Variants in KCNN3 observed in about 807,000 individuals in gnomAD.
KCNN3 encodes small conductance calcium-activated potassium channel protein 3.
Under a neutral mutation model 62.9 loss-of-function variants are expected in KCNN3, and 16 were observed. The ratio of observed to expected loss-of-function variants is 0.25; its 90% CI spans 0.17 to 0.39. The LOEUF (loss-of-function observed/expected upper bound fraction) is 0.39, where lower values mean the gene tolerates loss of function less well. Ranked by LOEUF, KCNN3 falls within the 10% of genes least tolerant of loss-of-function variation. The pLI is 1.00. For synonymous variants in KCNN3, 370 were observed against 389.2 expected (o/e 0.95, Z 0.58); for missense variants, 599 against 949.4 (o/e 0.63, Z 4.85).
chr1:154,786,087 T>A (rs1649270178), intron 2 of KCNN3, among the ~76,000 whole-genome samples: 1 of 152,206 alleles, frequency 6.6e-6, no homozygotes, highest in Non-Finnish European at 1.5e-5. Context: ...CTGAGCCGCA[T>A]TCCTGTCCAC....
intron 4 of KCNN3, among the ~76,000 whole-genome samples, chr1:154,732,478 C>A (rs1700617881): frequency 1.3e-5 from 2 of 152,236 alleles, no homozygotes. Flanking sequence ...CTGGGAAAGG[C>A]AAGAGCCAGC....
rs1369655860 is a variant in KCNN3 at position 154,707,285 on chromosome 1, T to C, written c.*691A>G. On this transcript the variant is annotated 3_prime_UTR_variant, in exon 8 of 8. Coordinates refer to ENST00000271915, the MANE Select transcript of KCNN3 (RefSeq NM_002249.6). ...CAGGGTAAGGTGTCAAGTCCCTTTT[T>C]ATTTGGATTAAGCTCAAATAAGAAA... is the stretch of plus-strand genomic sequence containing the variant. 2 of 152,210 alleles carry C rather than the reference T, an allele frequency of 1.3e-5. No homozygotes were observed. The highest frequency in any genetic ancestry group is 2.4e-5 in the African/African-American group (1 of 41,444). 9.4% of individuals were successfully genotyped at this position (152,210 alleles called of 1,614,324 possible). A position where few individuals can be genotyped will look rare whatever the true frequency, so the allele number is the denominator to read the frequency against.
rs145457246 is a variant in KCNN3, at chr1:154,838,308, T to G, written c.934-16124A>C. Among the ~76,000 whole-genome samples, 57 of 152,274 alleles carry G rather than the reference T, an allele frequency of 3.7e-4. No homozygotes were observed. The East Asian group carries it at 0.01, about 28-fold the overall frequency. ...AGAGCTAGAGCCTAGCTCCTTCCCC[T>G]ACTCCCGGGCTCCTTCTGCTATACC... is the stretch of plus-strand genomic sequence containing the variant. On this transcript the variant is annotated intron_variant, in intron 1 of 7. Transcript: ENST00000271915.
intron 3 of KCNN3, among the ~76,000 whole-genome samples, chr1:154,761,169 C>T (rs569622350): frequency 5.9e-5 from 9 of 152,104 alleles, no homozygotes; most frequent in Admixed American, 2.6e-4. Flanking sequence ...TCACATGTAA[C>T]GTCATAAGAA....
At chr1:154,739,792 C>T (rs555812178) in intron 3 of KCNN3, among the ~76,000 whole-genome samples, 14 of 152,360 alleles carry the variant, frequency 9.2e-5, no homozygotes, top group South Asian at 4.1e-4. Context: ...CAGGCCATGT[C>T]GGGAGGCAAG....
At chr1:154,761,934 C>T (rs1327943941) in intron 3 of KCNN3, among the ~76,000 whole-genome samples, 5 of 151,776 alleles carry the variant, frequency 3.3e-5, no homozygotes, top group African/African-American at 1.2e-4. Context: ...AATGAGACTC[C>T]GCATCAAAAA....
At chr1:154,708,499 T>C (rs1436427060) in intron 7 of KCNN3, among the ~76,000 whole-genome samples, 1 of 152,152 alleles carries the variant, frequency 6.6e-6, no homozygotes, top group African/African-American at 2.4e-5. Flanking sequence ...CAGCATTTTA[T>C]TAGAAAATAT....
chr1:154,771,538 A>G (rs980350736), intron 3 of KCNN3, among the ~76,000 whole-genome samples: 1 of 152,214 alleles, frequency 6.6e-6, no homozygotes, highest in African/African-American at 2.4e-5. Context: ...AGTGCTTTAT[A>G]ATAAAAAGGA....
chr1:154,816,813 T>A (rs1052066144), intron 2 of KCNN3, among the ~76,000 whole-genome samples: 87 of 152,328 alleles, frequency 5.7e-4, no homozygotes, highest in African/African-American at 2.0e-3. Context: ...ATCATCTCTG[T>A]CCCCAGCTTG....
intron 5 of KCNN3, 119 bp from the exon 6 acceptor site, chr1:154,715,122 C>G: frequency 8.0e-7 from 1 of 1,256,614 alleles, no homozygotes; most frequent in South Asian, 1.2e-5. Context: ...ATTTTCTTAA[C>G]CAAAATCACG....
chr1:154,842,908 G>T (rs2101913840), intron 1 of KCNN3, among the ~76,000 whole-genome samples: 1 of 152,258 alleles, frequency 6.6e-6, no homozygotes, highest in East Asian at 1.9e-4. Flanking sequence ...CTCGCCATGT[G>T]ACCAAGCCTC....
rs753646576 is a variant in KCNN3 at position 154,859,694 on chromosome 1, C to G, written c.933+9338G>C. 2.0e-5 allele frequency: 32 copies of G among 1,614,074 alleles called. No individual in the cohort carries two copies. In the Middle Eastern group the frequency reaches 4.9e-4, roughly 25 times the overall value. ...CTGGGTAACCTGGGCAGGGCACCCA[C>G]CTTTATAGGTCTCTCCATCTATAAC... On this transcript the variant is annotated intron_variant, in intron 1 of 7. Transcript: ENST00000271915.
At chr1:154,729,099 G>C (rs1193671852) in intron 4 of KCNN3, among the ~76,000 whole-genome samples, 1 of 152,202 alleles carries the variant, frequency 6.6e-6, no homozygotes, top group South Asian at 2.1e-4. Flanking sequence ...AAATCACCGA[G>C]GGCCTGGCTA....
At chr1:154,802,660 G>A (rs771592509) in intron 2 of KCNN3, among the ~76,000 whole-genome samples, 1 of 151,984 alleles carries the variant, frequency 6.6e-6, no homozygotes, top group Non-Finnish European at 1.5e-5. Context: ...AGAATATGAG[G>A]CAAAATACAA....
chr1:154,765,703 G>A (rs1167803609), intron 3 of KCNN3, among the ~76,000 whole-genome samples: 5 of 146,920 alleles, frequency 3.4e-5, no homozygotes, highest in Non-Finnish European at 6.0e-5. Flanking sequence ...ATCTCTGCTC[G>A]CTGCACTCTT....
chr1:154,702,702 TATATA>T lies in KCNN3; in HGVS notation c.*5269_*5273del, dbSNP rs1168681406. 0.018 allele frequency: 37 copies of T among 2,082 alleles called. 1 individual carries two copies. Among genetic ancestry groups the T allele is most frequent in the African/African-American group, 0.042 (36 of 854 alleles). 0.1% of individuals were successfully genotyped at this position (2,082 alleles called of 1,614,324 possible). The stretch of plus-strand genomic sequence containing the variant: ...GTTGGCTGCTTCGATCTGATTCAGA[TATATA>T]TATATATATATATATATATATATAT... On this transcript the variant is annotated 3_prime_UTR_variant, in exon 8 of 8. Coordinates refer to ENST00000271915, the MANE Select transcript of KCNN3 (RefSeq NM_002249.6).
chr1:154,715,949 C>T (rs935726658), intron 5 of KCNN3, among the ~76,000 whole-genome samples: 2 of 152,186 alleles, frequency 1.3e-5, no homozygotes, highest in Non-Finnish European at 2.9e-5. Context: ...TGGCCAAAAA[C>T]ATTTGCACTG....
At chr1:154,746,736 T>G (rs955593196) in intron 3 of KCNN3, among the ~76,000 whole-genome samples, 2 of 152,188 alleles carry the variant, frequency 1.3e-5, no homozygotes, top group South Asian at 2.1e-4. Flanking sequence ...GGGAAAGGGT[T>G]TCTGCCTCCA....
At chr1:154,714,613 GT>G (rs1700193349) in intron 6 of KCNN3, among the ~76,000 whole-genome samples, 1 of 1,728 alleles carries the variant, frequency 5.8e-4, no homozygotes, top group Non-Finnish European at 1.3e-3. Context: ...GTGGTGTGTG[GT>G]GTGTGTGTGT....
Sources: gnomAD v4.1 joint callset for allele counts (sites outside exome capture counted in the v4.1 genomes callset) on GRCh38, gnomAD v4.1.1 for gene constraint, MANE v1.5 for transcripts, NCBI Gene and HGNC (gene_info 2026-07-23, HGNC 2026-07-21) for gene names.